TMC5: variants seen among roughly 807,000 people sequenced by gnomAD.
TMC5 encodes the protein transmembrane channel-like protein 5.
In TMC5, 86 loss-of-function variants were observed where a neutral mutation model predicts 110.5. That is an observed-to-expected ratio of 0.78 (90% CI 0.65 to 0.93). The LOEUF (loss-of-function observed/expected upper bound fraction) is 0.93. Ranked by LOEUF, TMC5 falls within the 40% of genes least tolerant of loss-of-function variation. The pLI, the probability that TMC5 is intolerant of heterozygous loss-of-function variation, is 0.00. For missense variants in TMC5, 1,144 were observed against 1,222.8 expected (o/e 0.94, Z 0.96); for synonymous variants, 455 against 439.5 (o/e 1.04, Z -0.44).
At chr16:19,445,892 G>C (rs76535357) in intron 4 of TMC5, among the ~76,000 whole-genome samples, 10,624 of 151,916 alleles carry the variant, frequency 0.07, 758 homozygotes, top group African/African-American at 0.19. Context: ...GCACACACCT[G>C]GGGTCCCAGC....
At position 19,418,798 on chromosome 16, in the gene TMC5, G is replaced by A. The variant is rs1966915367; in HGVS notation, c.-308+706G>A. ...GCTGGAGTACAGTGGTGAAATCATA[G>A]CTCACTGCAGCCTTGATCTCCTGGG... On this transcript the variant is annotated intron_variant, in intron 1 of 21. Transcript: ENST00000542583. Among the ~76,000 whole-genome samples the A allele has an allele frequency of 2.0e-5, 3 of 147,022 alleles. No individual in the cohort carries two copies. In the South Asian group the frequency reaches 6.6e-4, roughly 32 times the overall value.
intron 2 of TMC5, among the ~76,000 whole-genome samples, chr16:19,433,924 G>A (rs1416208878): frequency 6.9e-6 from 1 of 145,660 alleles, no homozygotes; most frequent in African/African-American, 2.5e-5. Flanking sequence ...TGGCTCAAGC[G>A]ATCCTCCCGC....
At position 19,490,434 on chromosome 16, in the gene TMC5, G is replaced by A. The variant is rs778166761; in HGVS notation, c.2613G>A (p.Leu871=). Residue 871 remains leucine, a synonymous_variant, in exon 18 of 22, where the codon CTG becomes CTA. Coordinates refer to ENST00000542583, the MANE Select transcript of TMC5 (RefSeq NM_001261841.2). The stretch of plus-strand genomic sequence containing the variant: ...CTGACTGTGGCCCTTTTCGAGGTCT[G>A]CCTCTCTTCATTCACTCCATCTACA... ...PSADCGPFRG[L]PLFIHSIYSW... is the part of the protein sequence containing the mutation. 2.5e-6 allele frequency: 4 copies of A among 1,614,126 alleles called. No individual in the cohort carries two copies. Among genetic ancestry groups the A allele is most frequent in the Non-Finnish European group, 2.5e-6 (3 of 1,180,034 alleles).
intron 6 of TMC5, 115 bp from the exon 7 acceptor site, chr16:19,463,165 C>T (rs1270684215): frequency 1.3e-6 from 1 of 772,400 alleles, no homozygotes; most frequent in Non-Finnish European, 2.2e-6. Flanking sequence ...CAGTGATCCT[C>T]TTGCCTCAGC....
chr16:19,436,295 A>AAAAAAAGAAAG (rs1491247478), intron 2 of TMC5, among the ~76,000 whole-genome samples: 1 of 150,670 alleles, frequency 6.6e-6, no homozygotes, highest in African/African-American at 2.5e-5. Flanking sequence ...GAAAGGAAAA[A>AAAAAAAGAAAG]GAAAAAGAAA....
chr16:19,494,335 G>C lies in TMC5; in HGVS notation c.2900G>C (p.Ser967Thr), dbSNP rs143211025. The C allele has an allele frequency of 9.2e-4, 1,483 of 1,613,808 alleles. No individual in the cohort carries two copies. The highest frequency in any genetic ancestry group is 1.2e-3 in the Non-Finnish European group (1,430 of 1,179,864). ...LQDMEKKANP[S>T]SLVLERREVE... is the part of the protein sequence containing the mutation. ...GATATGGAGAAGAAAGCAAACCCCA[G>C]CTCACTTGTTCTGGAAAGGAGAGAG... is the stretch of plus-strand genomic sequence containing the variant. Residue 967 changes from serine (S) to threonine (T), a missense_variant, in exon 20 of 22, where the codon AGC becomes ACC. Coordinates refer to ENST00000542583, the MANE Select transcript of TMC5 (RefSeq NM_001261841.2).
intron 1 of TMC5, among the ~76,000 whole-genome samples, chr16:19,421,931 T>C (rs192641415): frequency 2.7e-5 from 4 of 150,442 alleles, no homozygotes; most frequent in Admixed American, 2.6e-4. Flanking sequence ...CTCCATCTCT[T>C]AAAAAAGAGA....
At chr16:19,479,169 G>A (rs1046005377) in intron 13 of TMC5, among the ~76,000 whole-genome samples, 1 of 152,196 alleles carries the variant, frequency 6.6e-6, no homozygotes, top group African/African-American at 2.4e-5. Context: ...TTTACGGGGA[G>A]AGATCATGAA....
At chr16:19,440,917 G>C in intron 3 of TMC5, 91 bp downstream of exon 3, 3 of 1,313,168 alleles carry the variant, frequency 2.3e-6, no homozygotes, top group Admixed American at 2.2e-5. Context: ...GTTTAGATTA[G>C]GGATATATAT....
chr16:19,411,655 A>G (rs150130774), intron 1 of TMC5: 1 of 152,318 alleles, frequency 6.6e-6, no homozygotes, highest in African/African-American at 2.4e-5. Context: ...TAGCTTGCCT[A>G]TGGGGTTGTG....
chr16:19,420,287 G>T (rs527568055), intron 1 of TMC5, among the ~76,000 whole-genome samples: 45 of 152,006 alleles, frequency 3.0e-4, no homozygotes, highest in Non-Finnish European at 5.6e-4. Context: ...AATTAGCCAG[G>T]CATGGTGGCA....
chr16:19,466,015 A>C lies in TMC5; in HGVS notation c.1486-67A>C. Reference sequence around the variant, plus strand: ...TTGTATTCAGGAGAGGTCAACTCTCATGACCATAATCGTTTACCTTTTTTT... The same window carrying C: ...TTGTATTCAGGAGAGGTCAACTCTCCTGACCATAATCGTTTACCTTTTTTT... On this transcript the variant is annotated intron_variant, in intron 8 of 21. Coordinates refer to ENST00000542583, the MANE Select transcript of TMC5 (RefSeq NM_001261841.2). 1.9e-6 allele frequency: 3 copies of C among 1,558,644 alleles called. No individual in the cohort carries two copies. The South Asian group carries it at 3.5e-5, about 18-fold the overall frequency.
At chr16:19,454,181 G>A (rs1967814170) in intron 5 of TMC5, among the ~76,000 whole-genome samples, 1 of 152,110 alleles carries the variant, frequency 6.6e-6, no homozygotes, top group Non-Finnish European at 1.5e-5. Flanking sequence ...CCAAGCAGTT[G>A]GGATTACAGG....
chr16:19,448,251 T>G (rs1275441576), intron 4 of TMC5, among the ~76,000 whole-genome samples: 1 of 151,934 alleles, frequency 6.6e-6, no homozygotes, highest in South Asian at 2.1e-4. Flanking sequence ...TTTTCAGTTC[T>G]ATATGTATAG....
upstream of TMC5, among the ~76,000 whole-genome samples, chr16:19,415,615 A>T (rs1306965353): frequency 6.6e-6 from 1 of 152,144 alleles, no homozygotes; most frequent in Non-Finnish European, 1.5e-5. Context: ...CACTGCTTTG[A>T]CTTCTTGCCA....
chr16:19,493,948 C>A (rs1364565216), intron 19 of TMC5, among the ~76,000 whole-genome samples: 2 of 151,988 alleles, frequency 1.3e-5, no homozygotes, highest in Non-Finnish European at 2.9e-5. Context: ...TACTGGAAAC[C>A]ATTTTTCCTG....
chr16:19,430,860 A>ATT (rs3049240), intron 2 of TMC5, among the ~76,000 whole-genome samples: 71,112 of 131,050 alleles, frequency 0.54, 20,255 homozygotes, highest in South Asian at 0.71. Flanking sequence ...AATAAAAACA[A>ATT]TTTTTTTTTT....
Position 19,440,193 on chromosome 16 carries a change from G to A in TMC5, c.155G>A (p.Ser52Asn). The A allele has an allele frequency of 6.2e-7, 1 of 1,614,132 alleles. No individual in the cohort carries two copies. Among genetic ancestry groups the A allele is most frequent in the Non-Finnish European group, 8.5e-7 (1 of 1,180,026 alleles). The part of the protein sequence containing the change: ...LNNPDYPGTR[S>N]NPYSVASRTR... ...AATCCAGACTACCCCGGCACCAGGA[G>A]CAATCCATACTCTGTAGCCTCCAGA... is the stretch of plus-strand genomic sequence containing the variant. Residue 52 changes from serine (S) to asparagine (N), a missense_variant, in exon 3 of 22, where the codon AGC becomes AAC. By Grantham distance (46) the Ser-to-Asn change is conservative. Transcript: ENST00000542583.
intron 10 of TMC5, among the ~76,000 whole-genome samples, chr16:19,471,352 A>G (rs949412702): frequency 3.9e-5 from 6 of 152,054 alleles, no homozygotes; most frequent in African/African-American, 1.4e-4. Context: ...CGGCCTCCCA[A>G]CATGCTGGAA....
Sources: allele counts gnomAD v4.1 joint callset (sites outside exome capture counted in the v4.1 genomes callset), GRCh38; gene constraint gnomAD v4.1.1; transcripts MANE v1.5; gene names NCBI Gene and HGNC (gene_info 2026-07-23, HGNC 2026-07-21).